The following CDKL1 variants were observed in gnomAD, a reference collection of about 807,000 sequenced individuals.
The protein encoded by CDKL1 is cyclin-dependent kinase-like 1.
A neutral mutation model predicts 42.0 loss-of-function variants in CDKL1; 41 were observed. That is an observed-to-expected ratio of 0.98 (90% CI 0.76 to 1.27). The LOEUF is 1.27. Among genes scored for constraint, CDKL1 ranks in the 50% most tolerant of loss-of-function variants. The pLI is 0.00. For synonymous variants in CDKL1, 153 were observed against 158.6 expected, an observed-to-expected ratio of 0.96 and a Z score of 0.26; for missense variants, 394 against 428.4, an observed-to-expected ratio of 0.92 and a Z score of 0.71.
chr14:50,357,610 G>C (rs1271954784), intron 3 of CDKL1, among the ~76,000 whole-genome samples: 1 of 152,140 alleles, frequency 6.6e-6, no homozygotes, highest in Non-Finnish European at 1.5e-5. Flanking sequence ...TCACCATGAA[G>C]CTCTCTTTGA....
intron 2 of CDKL1, among the ~76,000 whole-genome samples, chr14:50,388,474 C>T (rs1191341139): frequency 2.6e-5 from 4 of 152,236 alleles, no homozygotes; most frequent in Admixed American, 2.6e-4. Context: ...GACAGTGAGC[C>T]TCTTGGGGGA....
At position 50,332,804 on chromosome 14, in the gene CDKL1, A is replaced by T. The variant is rs11570875; in HGVS notation, c.796-372T>A. ...TTGTAAAAACTAGTGTTTTTATTTT[A>T]AAAATGATATTTACACATGATAACA... On this transcript the variant is annotated intron_variant, in intron 8 of 9. Transcript: ENST00000395834. 3,876 of 706,984 alleles carry T rather than the reference A, an allele frequency of 5.5e-3. 108 individuals are homozygous for T. In the African/African-American group the frequency reaches 0.061, roughly 11 times the overall value. The allele number at this position is 706,984 out of a possible 1,614,324, so 43.8% of individuals were successfully genotyped here.
intron 2 of CDKL1, among the ~76,000 whole-genome samples, chr14:50,373,825 T>G (rs1461157874): frequency 6.6e-6 from 1 of 152,178 alleles, no homozygotes; most frequent in Non-Finnish European, 1.5e-5. Flanking sequence ...TCACTGCTGG[T>G]CGGTGTGCTA....
At chr14:50,393,881 A>T (rs1236669659) in intron 2 of CDKL1, among the ~76,000 whole-genome samples, 1 of 152,186 alleles carries the variant, frequency 6.6e-6, no homozygotes, top group African/African-American at 2.4e-5. Flanking sequence ...TGACTTCCCC[A>T]TTTATTGGCA....
chr14:50,370,182 C>T (rs374400942), intron 2 of CDKL1, among the ~76,000 whole-genome samples: 2 of 152,082 alleles, frequency 1.3e-5, no homozygotes, highest in South Asian at 4.2e-4. Flanking sequence ...GATTTTCCTG[C>T]CTCAGCCTCC....
At chr14:50,337,681 CTTTT>C (rs71118872) in intron 7 of CDKL1, among the ~76,000 whole-genome samples, 1 of 133,580 alleles carries the variant, frequency 7.5e-6, no homozygotes. Context: ...TTTTTTCTTT[CTTTT>C]TTTTTTTTTT....
At chr14:50,371,950 C>T (rs1426239729) in intron 2 of CDKL1, among the ~76,000 whole-genome samples, 1 of 152,240 alleles carries the variant, frequency 6.6e-6, no homozygotes, top group Non-Finnish European at 1.5e-5. Flanking sequence ...TGCTCAGGGA[C>T]ATGCTGACAC....
In CDKL1 at chr14:50,371,719, G is replaced by A. The variant is rs11570798; in HGVS notation, c.169-12570C>T. 2.2e-3 allele frequency among the ~76,000 whole-genome samples: 329 copies of A among 152,346 alleles called. 1 individual carries two copies. In the Middle Eastern group the frequency reaches 0.044, roughly 20 times the overall value. ...TGGGAGCCTCAGGTTGGAGGGGCAG[G>A]AGCCCCACCCTCCCAGGCAGCTGCA... On this transcript the variant is annotated intron_variant, in intron 2 of 9. Coordinates refer to ENST00000395834, the MANE Select transcript of CDKL1 (RefSeq NM_004196.7).
At chr14:50,390,032 A>G (rs2035207741) in intron 2 of CDKL1, 2 of 619,816 alleles carry the variant, frequency 3.2e-6, no homozygotes, top group Non-Finnish European at 5.9e-6. Context: ...GTGTAACGAT[A>G]TCTACCTTCT....
chr14:50,346,805 C>T (rs1175279954), intron 3 of CDKL1, among the ~76,000 whole-genome samples: 3 of 151,734 alleles, frequency 2.0e-5, no homozygotes, highest in Admixed American at 6.6e-5. Flanking sequence ...TGTGCCACCA[C>T]ACTCAGCTAA....
intron 3 of CDKL1, among the ~76,000 whole-genome samples, chr14:50,349,778 TG>T (rs147373218): frequency 0.012 from 1,757 of 152,226 alleles, 29 homozygotes; most frequent in African/African-American, 0.04. Flanking sequence ...TTTTTTGTTT[TG>T]TTTTTTTGAG....
At chr14:50,385,070 C>CAAAAAAAAAAAAAAA (rs55719234) in intron 2 of CDKL1, among the ~76,000 whole-genome samples, 1 of 93,556 alleles carries the variant, frequency 1.1e-5, no homozygotes, top group Non-Finnish European at 2.0e-5. Flanking sequence ...GACTCTGTCT[C>CAAAAAAAAAAAAAAA]AAAAAAAAAA....
intron 2 of CDKL1, among the ~76,000 whole-genome samples, chr14:50,379,685 C>T (rs2034846789): frequency 6.6e-6 from 1 of 152,148 alleles, no homozygotes; most frequent in South Asian, 2.1e-4. Context: ...TGTCACCCGA[C>T]TTGCATTGCC....
intron 2 of CDKL1, among the ~76,000 whole-genome samples, chr14:50,392,849 T>A (rs2139556166): frequency 6.6e-6 from 1 of 152,340 alleles, no homozygotes. Flanking sequence ...TCTATCACAG[T>A]GAACAATCTC....
chr14:50,338,690 GAA>G (rs1232585163), intron 7 of CDKL1, among the ~76,000 whole-genome samples: 4 of 152,208 alleles, frequency 2.6e-5, no homozygotes. Context: ...CAACTGCTAA[GAA>G]ATGATAAAGG....
intron 8 of CDKL1, chr14:50,332,749 A>T (rs2033029890): frequency 7.6e-7 from 1 of 1,316,144 alleles, no homozygotes; most frequent in African/African-American, 1.5e-5. Context: ...GGGGTAATCC[A>T]TTTAGCCAGT....
intron 7 of CDKL1, chr14:50,334,938 T>TG (rs1004772440): frequency 7.1e-5 from 16 of 224,296 alleles, no homozygotes; most frequent in South Asian, 4.3e-4. Context: ...TTTGAGGGGG[T>TG]GGGGGGGCTC....
chr14:50,381,058 G>A (rs768148089), intron 2 of CDKL1, among the ~76,000 whole-genome samples: 2 of 152,174 alleles, frequency 1.3e-5, no homozygotes, highest in African/African-American at 2.4e-5. Context: ...GGATTTTGGA[G>A]GCAGCATGTA....
Position 50,328,106 on chromosome 14 carries a change from G to A in CDKL1, c.*1968C>T, listed in dbSNP as rs996922119. On this transcript the variant is annotated 3_prime_UTR_variant, in exon 10 of 10. Coordinates refer to ENST00000395834, the MANE Select transcript of CDKL1 (RefSeq NM_004196.7). ...TATGGTGAGACAACTGATTCACCAC[G>A]ATTTAGTCTAGAGCTACTTTTCTAT... 1.3e-5 allele frequency: 2 copies of A among 152,098 alleles called. No individual in the cohort carries two copies. The highest frequency in any genetic ancestry group is 1.9e-4 in the East Asian group (1 of 5,200). The allele number at this position is 152,098 out of a possible 1,614,324, so 9.4% of individuals were successfully genotyped here. A position where few individuals can be genotyped will look rare whatever the true frequency, so the allele number is the denominator to read the frequency against.
Sources: gnomAD v4.1 joint callset for allele counts (sites outside exome capture counted in the v4.1 genomes callset) on GRCh38, gnomAD v4.1.1 for gene constraint, MANE v1.5 for transcripts, NCBI Gene and HGNC (gene_info 2026-07-23, HGNC 2026-07-21) for gene names.